CTNNA2: variants seen among roughly 807,000 people sequenced by gnomAD.
The protein encoded by CTNNA2 is catenin alpha-2.
Under a neutral mutation model 101.0 loss-of-function variants are expected in CTNNA2, and 42 were observed. The ratio of observed to expected loss-of-function variants is 0.42; its 90% CI spans 0.32 to 0.54. The LOEUF is 0.54. Ranked by LOEUF, CTNNA2 falls within the 20% of genes least tolerant of loss-of-function variation. CTNNA2 has a pLI of 0.14. For missense variants in CTNNA2, 871 were observed against 1,223.1 expected (o/e 0.71, Z 4.29); for synonymous variants, 450 against 456.4 (o/e 0.99, Z 0.18).
chr2:79,656,709 G>A (rs1051551381), intron 2 of CTNNA2, among the ~76,000 whole-genome samples: 18 of 151,934 alleles, frequency 1.2e-4, no homozygotes, highest in African/African-American at 2.2e-4. Context: ...TTCATCTTAG[G>A]AAGTTTAGTC....
intron 3 of CTNNA2, among the ~76,000 whole-genome samples, chr2:79,340,376 T>C (rs982535232): frequency 2.6e-5 from 4 of 152,186 alleles, no homozygotes; most frequent in Admixed American, 6.5e-5. Flanking sequence ...ATTCTGACCA[T>C]AGACAACAGA....
chr2:80,381,644 C>T lies in CTNNA2; in HGVS notation c.1057-11567C>T, dbSNP rs139854928. 2.6e-3 allele frequency among the ~76,000 whole-genome samples: 396 copies of T among 152,232 alleles called. 2 individuals are homozygous for T. Among genetic ancestry groups the T allele is most frequent in the African/African-American group, 9.2e-3 (381 of 41,548 alleles). On this transcript the variant is annotated intron_variant, in intron 7 of 18. Transcript: ENST00000402739. ...GGCTCTGGCACTAGAGTGGAGATAC[C>T]TTTGGGATCCCCTAGGATGCAAAGA... is the stretch of plus-strand genomic sequence containing the variant.
chr2:79,757,215 A>G (rs1672460416), intron 3 of CTNNA2, among the ~76,000 whole-genome samples: 1 of 152,194 alleles, frequency 6.6e-6, no homozygotes, highest in African/African-American at 2.4e-5. Flanking sequence ...ATTTGTCACA[A>G]TTAATAAACC....
At chr2:80,296,065 C>T (rs1013459120) in intron 7 of CTNNA2, among the ~76,000 whole-genome samples, 4 of 151,786 alleles carry the variant, frequency 2.6e-5, no homozygotes, top group Admixed American at 6.6e-5. Flanking sequence ...TAGTTTTTTA[C>T]GATTATTGCG....
At position 79,874,343 on chromosome 2, in the gene CTNNA2, G is replaced by A; in HGVS notation, c.852+1G>A. The A allele has an allele frequency of 6.2e-7, 1 of 1,613,318 alleles. No homozygotes were observed. The highest frequency in any genetic ancestry group is 8.5e-7 in the Non-Finnish European group (1 of 1,179,822). On this transcript the variant is annotated splice_donor_variant, in intron 6 of 18. Coordinates refer to ENST00000402739, the MANE Select transcript of CTNNA2 (RefSeq NM_001282597.3). LOFTEE classifies it high-confidence loss of function. ...GGCTGCGGCTCTTAATGAGTTTGAC[G>A]TAAGCATCCTGGTGAGGTACACAGA...
chr2:79,838,743 A>G (rs1334300400), intron 3 of CTNNA2, among the ~76,000 whole-genome samples: 3 of 152,086 alleles, frequency 2.0e-5, no homozygotes, highest in African/African-American at 7.2e-5. Flanking sequence ...TTGGAAAGGT[A>G]GAGGACTGTG....
chr2:79,732,017 T>C (rs1356946869), intron 2 of CTNNA2, among the ~76,000 whole-genome samples: 1 of 152,038 alleles, frequency 6.6e-6, no homozygotes, highest in African/African-American at 2.4e-5. Context: ...TTGGACTATA[T>C]ACATACCGAC....
At chr2:79,702,705 A>G (rs1369175670) in intron 2 of CTNNA2, among the ~76,000 whole-genome samples, 1 of 152,150 alleles carries the variant, frequency 6.6e-6, no homozygotes, top group Non-Finnish European at 1.5e-5. Flanking sequence ...GTTGACTCTG[A>G]GACTGTTTCT....
At chr2:80,164,064 T>G (rs1330644152) in intron 7 of CTNNA2, among the ~76,000 whole-genome samples, 1 of 151,860 alleles carries the variant, frequency 6.6e-6, no homozygotes, top group Non-Finnish European at 1.5e-5. Context: ...GATTTTCTTA[T>G]AGAGAGCATA....
intron 2 of CTNNA2, among the ~76,000 whole-genome samples, chr2:79,237,944 T>G (rs1328225245): frequency 2.6e-5 from 4 of 152,190 alleles, no homozygotes; most frequent in African/African-American, 7.2e-5. Flanking sequence ...GTTTCACTTT[T>G]TTTACCATTT....
chr2:80,118,530 T>G (rs767556832), intron 7 of CTNNA2, among the ~76,000 whole-genome samples: 32 of 152,354 alleles, frequency 2.1e-4, no homozygotes, highest in Admixed American at 5.2e-4. Context: ...AAACGTTGAC[T>G]GAAACTGGGT....
intron 2 of CTNNA2, among the ~76,000 whole-genome samples, chr2:79,685,039 A>G (rs1360612042): frequency 6.6e-6 from 1 of 152,158 alleles, no homozygotes; most frequent in African/African-American, 2.4e-5. Flanking sequence ...TAGAGTGTTT[A>G]TATTTTTCAT....
At chr2:79,550,396 T>A (rs1304484888) in intron 1 of CTNNA2, among the ~76,000 whole-genome samples, 1 of 152,142 alleles carries the variant, frequency 6.6e-6, no homozygotes, top group Non-Finnish European at 1.5e-5. Context: ...TGAGGGAGAC[T>A]CAGCAATGAG....
chr2:79,660,812 T>A (rs938819345), intron 2 of CTNNA2, among the ~76,000 whole-genome samples: 28 of 152,066 alleles, frequency 1.8e-4, no homozygotes, highest in African/African-American at 6.0e-4. Context: ...TTGAGTAATG[T>A]ACAGAACCCT....
intron 2 of CTNNA2, among the ~76,000 whole-genome samples, chr2:79,254,254 A>G (rs1354344181): frequency 1.3e-5 from 2 of 152,216 alleles, no homozygotes; most frequent in Non-Finnish European, 2.9e-5. Flanking sequence ...TGCAAAATAA[A>G]TATTGGCAGT....
At chr2:80,312,836 A>G (rs750011968) in intron 7 of CTNNA2, among the ~76,000 whole-genome samples, 2 of 152,216 alleles carry the variant, frequency 1.3e-5, no homozygotes, top group South Asian at 4.1e-4. Flanking sequence ...ACCTTCTAAT[A>G]TCTACCTTTA....
intron 9 of CTNNA2, among the ~76,000 whole-genome samples, chr2:80,535,904 T>C (rs1690969706): frequency 6.6e-6 from 1 of 152,176 alleles, no homozygotes; most frequent in Non-Finnish European, 1.5e-5. Flanking sequence ...TCCTACAATA[T>C]TCTTCTGGGC....
chr2:80,576,786 TG>T (rs1410216604), intron 13 of CTNNA2, among the ~76,000 whole-genome samples: 1,961 of 111,976 alleles, frequency 0.018, 98 homozygotes, highest in East Asian at 0.14. Flanking sequence ...CTGTCTCTAC[TG>T]AAAAAAAAAA....
At chr2:80,598,443 T>C (rs189195059) in intron 15 of CTNNA2, among the ~76,000 whole-genome samples, 5 of 151,590 alleles carry the variant, frequency 3.3e-5, no homozygotes, top group Non-Finnish European at 5.9e-5. Flanking sequence ...TCTGCACACA[T>C]AGCGTAGAAC....
Sources: gnomAD v4.1 joint callset for allele counts (sites outside exome capture counted in the v4.1 genomes callset) on GRCh38, gnomAD v4.1.1 for gene constraint, MANE v1.5 for transcripts, NCBI Gene and HGNC (gene_info 2026-07-23, HGNC 2026-07-21) for gene names.